SCARB2: variants seen among roughly 807,000 people sequenced by gnomAD.
The protein encoded by SCARB2 is lysosome membrane protein 2.
In SCARB2, 29 loss-of-function variants were observed where a neutral mutation model predicts 58.6. The observed-to-expected ratio is 0.49, with a 90% CI of 0.37 to 0.67. The LOEUF (loss-of-function observed/expected upper bound fraction) is 0.67. SCARB2 is among the 30% of genes least tolerant of loss of function. The pLI is 0.00. For missense variants in SCARB2, 488 were observed against 578.5 expected (o/e 0.84, Z 1.60); for synonymous variants, 195 against 210.1 (o/e 0.93, Z 0.62).
chr4:76,223,947 A>G (rs1312919061), intron 1 of SCARB2, among the ~76,000 whole-genome samples: 1 of 152,158 alleles, frequency 6.6e-6, no homozygotes, highest in African/African-American at 2.4e-5. Context: ...TGTGTGACAC[A>G]GTCATGCTGT....
chr4:76,161,656 C>T lies in SCARB2; in HGVS notation c.*57G>A, dbSNP rs376331813. ...TGCAAGGAGGTGGAGGGTTTCCCCA[C>T]GTCATCGTCCAGGTCAGGACAGCTC... On this transcript the variant is annotated 3_prime_UTR_variant, in exon 12 of 12. Transcript: ENST00000264896. 27 of 1,587,958 alleles carry T rather than the reference C, an allele frequency of 1.7e-5. No individual in the cohort carries two copies. Among genetic ancestry groups the T allele is most frequent in the Middle Eastern group, 1.7e-4 (1 of 6,020 alleles).
intron 2 of SCARB2, chr4:76,193,995 G>A (rs1732656534): frequency 6.6e-6 from 1 of 152,220 alleles, no homozygotes; most frequent in African/African-American, 2.4e-5. Flanking sequence ...TTGGGTCATA[G>A]GGGAGGATCC....
chr4:76,179,698 A>G lies in SCARB2; in HGVS notation c.431T>C (p.Ile144Thr), dbSNP rs1266591675. The change falls in exon 4 of 12, where the codon ATA becomes ACA. Residue 144 changes from isoleucine (I) to threonine (T), a missense_variant. Physicochemically the swap from Ile to Thr is moderately conservative, Grantham distance 89 (BLOSUM62 -1). Coordinates refer to ENST00000264896, the MANE Select transcript of SCARB2 (RefSeq NM_005506.4). ...GAGGAAGTGCACCTGGGACCACTCT[A>G]TGACAGTCTGCGGAGCAGAGGTATA... ...RTLNIPVLTV[I>T]EWSQVHFLRE... 1 of 1,613,404 alleles carries G rather than the reference A, an allele frequency of 6.2e-7. No homozygotes were observed.
At chr4:76,166,168 C>A in intron 10 of SCARB2, 82 bp downstream of exon 10, 1 of 1,332,166 alleles carries the variant, frequency 7.5e-7, no homozygotes, top group Non-Finnish European at 1.1e-6. Context: ...TCATAACTTA[C>A]ATGTAACTAC....
At chr4:76,188,171 A>T (rs980468437) in intron 2 of SCARB2, among the ~76,000 whole-genome samples, 5 of 152,202 alleles carry the variant, frequency 3.3e-5, no homozygotes. Flanking sequence ...AAGGTATCTG[A>T]CAAGATAAAA....
Position 76,222,416 on chromosome 4 carries a change from C to T in SCARB2, c.-358+11887G>A, listed in dbSNP as rs530934389. On this transcript the variant is annotated intron_variant, in intron 1 of 11. Coordinates refer to the SCARB2 transcript ENST00000638295. ...TAATTTTTGTATTTTTTAGTACAGA[C>T]GGGGTTTCACCATGTTGGCCAGGCC... is the stretch of plus-strand genomic sequence containing the variant. 6.6e-5 allele frequency among the ~76,000 whole-genome samples: 10 copies of T among 152,168 alleles called. No homozygotes were observed. The South Asian group carries it at 1.9e-3, about 28-fold the overall frequency.
upstream of SCARB2, among the ~76,000 whole-genome samples, chr4:76,216,769 T>A (rs764725132): frequency 6.6e-6 from 1 of 152,252 alleles, no homozygotes; most frequent in Non-Finnish European, 1.5e-5. Context: ...TCTTTCTTGG[T>A]TCTTCTTAAC....
intron 1 of SCARB2, among the ~76,000 whole-genome samples, chr4:76,226,654 A>G (rs1337241141): frequency 1.3e-5 from 2 of 152,178 alleles, no homozygotes; most frequent in African/African-American, 4.8e-5. Context: ...TATGTCAGAC[A>G]AACAAGCCCT....
chr4:76,202,767 T>C (rs1430080848), intron 1 of SCARB2, among the ~76,000 whole-genome samples: 2 of 152,246 alleles, frequency 1.3e-5, no homozygotes, highest in African/African-American at 2.4e-5. Context: ...TGAGATCATA[T>C]GTATTGTATC....
chr4:76,234,129 G>A (rs1355500814), intron 1 of SCARB2, among the ~76,000 whole-genome samples: 1 of 152,274 alleles, frequency 6.6e-6, no homozygotes, highest in East Asian at 1.9e-4. Context: ...AGGCAGGGAG[G>A]GGAGGGTGGA....
chr4:76,177,713 G>A (rs57374265), intron 4 of SCARB2, among the ~76,000 whole-genome samples: 27,080 of 152,142 alleles, frequency 0.18, 2,586 homozygotes, highest in East Asian at 0.35. Flanking sequence ...ATGGAACACT[G>A]ATACATGCTA....
At chr4:76,198,859 T>C (rs1159686005) in intron 1 of SCARB2, among the ~76,000 whole-genome samples, 2 of 149,130 alleles carry the variant, frequency 1.3e-5, no homozygotes. Context: ...TGTGTGTGTG[T>C]GTGTGTGTGT....
intron 1 of SCARB2, among the ~76,000 whole-genome samples, chr4:76,202,387 G>A (rs1438585578): frequency 2.0e-5 from 3 of 152,118 alleles, no homozygotes; most frequent in South Asian, 2.1e-4. Flanking sequence ...TCAGCCTCTC[G>A]AGTAGCTGGG....
intron 2 of SCARB2, among the ~76,000 whole-genome samples, chr4:76,189,910 A>G (rs1488330438): frequency 6.6e-6 from 1 of 152,100 alleles, no homozygotes; most frequent in Admixed American, 6.6e-5. Flanking sequence ...TGTGGGGATT[A>G]TGGAAACTAC....
intron 1 of SCARB2, among the ~76,000 whole-genome samples, chr4:76,200,343 G>A (rs116539423): frequency 0.024 from 3,613 of 152,296 alleles, 127 homozygotes; most frequent in African/African-American, 0.082. Flanking sequence ...TTGCTTATTA[G>A]TTTTAACCAA....
chr4:76,168,385 G>T lies in SCARB2; in HGVS notation c.1187+18C>A. 6.2e-7 allele frequency: 1 copy of T among 1,607,832 alleles called. No individual in the cohort carries two copies. Among genetic ancestry groups the T allele is most frequent in the Non-Finnish European group, 8.5e-7 (1 of 1,174,330 alleles). ...GAGCAAAACTGCTGTCCCCTCCATA[G>T]AAAGAAGCAAAACTTACACAAAGTC... On this transcript the variant is annotated intron_variant, in intron 9 of 11. Transcript: ENST00000264896.
chr4:76,228,066 T>C (rs1005795834), intron 1 of SCARB2, among the ~76,000 whole-genome samples: 2 of 147,548 alleles, frequency 1.4e-5, no homozygotes, highest in Non-Finnish European at 3.0e-5. Flanking sequence ...TTTTTATTCA[T>C]TGTGCTAGTT....
chr4:76,166,987 A>G (rs1339047720), intron 9 of SCARB2: 1 of 152,586 alleles, frequency 6.6e-6, no homozygotes, highest in Non-Finnish European at 1.5e-5. Context: ...CAATGAGGTA[A>G]ACAAGCCAAG....
rs1362369345 is a variant in SCARB2, at chr4:76,209,288, T to A, written c.117+4139A>T. On this transcript the variant is annotated intron_variant, in intron 1 of 11. Coordinates refer to ENST00000264896, the MANE Select transcript of SCARB2 (RefSeq NM_005506.4). The stretch of plus-strand genomic sequence containing the variant: ...CATCAATAAAGATGTTTTGCTGATT[T>A]GACTTTAAAAAACAAGATCCCATAG... 4.6e-5 allele frequency among the ~76,000 whole-genome samples: 7 copies of A among 152,226 alleles called. 1 individual carries two copies. The highest frequency in any genetic ancestry group is 4.6e-4 in the Admixed American group (7 of 15,280).
Sources: gnomAD v4.1 joint callset for allele counts (sites outside exome capture counted in the v4.1 genomes callset) on GRCh38, gnomAD v4.1.1 for gene constraint, MANE v1.5 for transcripts, NCBI Gene and HGNC (gene_info 2026-07-23, HGNC 2026-07-21) for gene names.